The following GABRA3 variants were observed in gnomAD, a reference collection of about 807,000 sequenced individuals.
GABRA3 encodes gamma-aminobutyric acid receptor subunit alpha-3.
In GABRA3, 10 loss-of-function variants were observed where a neutral mutation model predicts 30.1. The observed-to-expected ratio is 0.33, with a 90% CI of 0.20 to 0.56. The LOEUF is 0.56. GABRA3 is among the 20% of genes least tolerant of loss of function. The pLI is 0.89. For missense variants in GABRA3, 233 were observed against 392.0 expected (o/e 0.59, Z 3.42); for synonymous variants, 151 against 146.8 (o/e 1.03, Z -0.21).
intron 5 of GABRA3, among the ~76,000 whole-genome samples, chrX:152,255,074 A>T (rs898315659): frequency 9.0e-6 from 1 of 111,237 alleles, no homozygotes; most frequent in African/African-American, 3.3e-5. Flanking sequence ...ATCCATTGGG[A>T]GTTGGAAAAG....
chrX:152,175,347 C>A (rs2124328526), intron 9 of GABRA3, among the ~76,000 whole-genome samples: 1 of 109,189 alleles, frequency 9.2e-6, no homozygotes, highest in East Asian at 2.9e-4. Flanking sequence ...CAGTGTGGGA[C>A]CTATGCTGGA....
chrX:152,357,670 C>T (rs749951038), intron 2 of GABRA3, among the ~76,000 whole-genome samples: 1 of 111,699 alleles, frequency 9.0e-6, no homozygotes, highest in East Asian at 2.8e-4. Flanking sequence ...AATTGCTTTT[C>T]ATGTCTTCAT....
At chrX:152,243,957 C>T (rs752180210) in intron 5 of GABRA3, among the ~76,000 whole-genome samples, 1 of 111,783 alleles carries the variant, frequency 8.9e-6, no homozygotes, top group East Asian at 2.8e-4. Flanking sequence ...TATTTGGTGC[C>T]CTTATCTCAT....
chrX:152,416,193 T>C (rs1930212636), intron 1 of GABRA3, among the ~76,000 whole-genome samples: 1 of 97,039 alleles, frequency 1.0e-5, no homozygotes, highest in Admixed American at 1.2e-4. Flanking sequence ...ACAAAATCAA[T>C]GTACAAAAAT....
At chrX:152,319,956 C>T (rs1199684872) in intron 3 of GABRA3, among the ~76,000 whole-genome samples, 1 of 110,444 alleles carries the variant, frequency 9.1e-6, no homozygotes, top group Non-Finnish European at 1.9e-5. Flanking sequence ...TACAAATGGC[C>T]AACAAACATG....
chrX:152,327,379 C>A (rs1940081624), intron 3 of GABRA3, among the ~76,000 whole-genome samples: 1 of 111,691 alleles, frequency 9.0e-6, no homozygotes, highest in South Asian at 3.8e-4. Flanking sequence ...ACTCTCCACC[C>A]CAAATCAACA....
intron 1 of GABRA3, among the ~76,000 whole-genome samples, chrX:152,448,380 T>C (rs746832580): frequency 2.7e-5 from 3 of 112,555 alleles, no homozygotes; most frequent in African/African-American, 9.7e-5. Flanking sequence ...TGAAATCTTA[T>C]AATTTACTTC....
chrX:152,295,215 C>T (rs952361919), intron 3 of GABRA3, among the ~76,000 whole-genome samples: 7 of 112,348 alleles, frequency 6.2e-5, no homozygotes, highest in Non-Finnish European at 7.5e-5. Flanking sequence ...CTGGGAGAAC[C>T]ACTGCTCTCT....
intron 4 of GABRA3, among the ~76,000 whole-genome samples, chrX:152,260,461 C>T (rs904024181): frequency 9.0e-6 from 1 of 110,694 alleles, no homozygotes; most frequent in African/African-American, 3.3e-5. Flanking sequence ...TCAGGTCTGA[C>T]CCAGCACAGT....
At chrX:152,193,839 A>G (rs1004409941) in intron 8 of GABRA3, among the ~76,000 whole-genome samples, 3 of 110,761 alleles carry the variant, frequency 2.7e-5, no homozygotes, top group Non-Finnish European at 3.8e-5. Flanking sequence ...TCAACTAAAA[A>G]TACAAAAATT....
Position 152,418,571 on chromosome X carries a change from C to T in GABRA3, c.-27+32575G>A, listed in dbSNP as rs191050855. 2.8e-4 allele frequency among the ~76,000 whole-genome samples: 31 copies of T among 111,235 alleles called. No individual in the cohort carries two copies. In the East Asian group the frequency reaches 7.4e-3, roughly 26 times the overall value. On this transcript the variant is annotated intron_variant, in intron 1 of 9. Coordinates refer to ENST00000370314, the MANE Select transcript of GABRA3 (RefSeq NM_000808.4). ...GCTTAGATACATGTATTTGAAAAGACGGAAGTATATAAATCTGTGATCTAA... is the reference window on the plus strand; with the variant it reads ...GCTTAGATACATGTATTTGAAAAGATGGAAGTATATAAATCTGTGATCTAA...
intron 5 of GABRA3, among the ~76,000 whole-genome samples, chrX:152,231,120 C>T (rs779574557): frequency 1.3e-4 from 14 of 104,439 alleles, no homozygotes; most frequent in Non-Finnish European, 2.1e-4. Context: ...AGAAAAACAA[C>T]CTAATACAAA....
chrX:152,370,101 CTAGT>C (rs780879304), intron 1 of GABRA3, among the ~76,000 whole-genome samples: 1 of 111,918 alleles, frequency 8.9e-6, no homozygotes, highest in South Asian at 3.7e-4. Flanking sequence ...CGTAAAATGC[CTAGT>C]TAAACACCTG....
In GABRA3 at chrX:152,197,775, G is replaced by A; in HGVS notation, c.789C>T (p.Val263=). The change falls in exon 8 of 10, where the codon GTC becomes GTT. Residue 263 remains valine, a synonymous_variant. Coordinates refer to ENST00000370314, the MANE Select transcript of GABRA3 (RefSeq NM_000808.4). ...EIIRSSTGEY[V]VMTTHFHLKR... is the part of the protein sequence containing the mutation. Reference sequence around the variant, plus strand: ...TGAGATGGAAGTGGGTTGTCATGACGACATATTCTCCTAAAGAGAGAGTAA... The same window carrying A: ...TGAGATGGAAGTGGGTTGTCATGACAACATATTCTCCTAAAGAGAGAGTAA... 5.8e-6 allele frequency: 7 copies of A among 1,206,731 alleles called. No individual in the cohort carries two copies. The highest frequency in any genetic ancestry group is 7.8e-6 in the Non-Finnish European group (7 of 891,739).
intron 9 of GABRA3, among the ~76,000 whole-genome samples, chrX:152,184,770 T>C (rs1937231246): frequency 9.0e-6 from 1 of 111,673 alleles, no homozygotes; most frequent in African/African-American, 3.2e-5. Flanking sequence ...CTGTTACTTG[T>C]GGTTTTATAC....
At chrX:152,268,823 AC>A (rs1368977663) in intron 4 of GABRA3, among the ~76,000 whole-genome samples, 1 of 111,565 alleles carries the variant, frequency 9.0e-6, no homozygotes, top group African/African-American at 3.3e-5. Context: ...GTGTGCCTGG[AC>A]CACCCAAAGT....
chrX:152,242,736 G>T (rs1243174980), intron 5 of GABRA3, among the ~76,000 whole-genome samples: 3 of 111,800 alleles, frequency 2.7e-5, no homozygotes, highest in Non-Finnish European at 5.6e-5. Context: ...AAAGATAAAA[G>T]ATAGGTGTTG....
intron 5 of GABRA3, among the ~76,000 whole-genome samples, chrX:152,237,277 C>A (rs777903992): frequency 9.2e-6 from 1 of 108,934 alleles, no homozygotes; most frequent in Admixed American, 9.9e-5. Context: ...TCTTGTTTTT[C>A]TCAGGTTTGT....
intron 1 of GABRA3, among the ~76,000 whole-genome samples, chrX:152,427,232 C>T (rs1375549730): frequency 9.0e-6 from 1 of 111,581 alleles, no homozygotes; most frequent in Non-Finnish European, 1.9e-5. Flanking sequence ...CTATGTCATT[C>T]CCTGTTTAAA....
Sources: gnomAD v4.1 joint callset for allele counts (sites outside exome capture counted in the v4.1 genomes callset) on GRCh38, gnomAD v4.1.1 for gene constraint, MANE v1.5 for transcripts, NCBI Gene and HGNC (gene_info 2026-07-23, HGNC 2026-07-21) for gene names.